DNAH17: variants seen among roughly 807,000 people sequenced by gnomAD.
DNAH17 encodes axonemal beta dynein heavy chain 17.
DNAH17 carries 376 observed loss-of-function variants against 485.6 expected under a neutral mutation model. The ratio of observed to expected loss-of-function variants is 0.77; its 90% confidence interval spans 0.71 to 0.84. The LOEUF is 0.84. Ranked by LOEUF, DNAH17 falls within the 40% of genes least tolerant of loss-of-function variation. The pLI is 0.00. For synonymous variants in DNAH17, 3,031 were observed against 2,405.9 expected (o/e 1.26, Z -7.60); for missense variants, 6,370 against 5,839.3 (o/e 1.09, Z -2.96).
chr17:78,532,702 A>C lies in DNAH17; in HGVS notation c.2894T>G (p.Met965Arg). The C allele has an allele frequency of 6.3e-7, 1 of 1,593,776 alleles. No individual in the cohort carries two copies. Among genetic ancestry groups the C allele is most frequent in the Non-Finnish European group, 8.6e-7 (1 of 1,169,124 alleles). ...DLEDNTDLIE[M>R]REEVSSLVIN... ...GACCAGGCTGGACACCTCCTCCCTC[A>C]TCTCTATGAGGTCTGTGTTATCTTC... Residue 965 changes from methionine (M) to arginine (R), a missense_variant, in exon 20 of 81, where the codon ATG becomes AGG. By Grantham distance (91) the Met-to-Arg change is moderately conservative. Coordinates refer to ENST00000389840, the MANE Select transcript of DNAH17 (RefSeq NM_173628.4).
At position 78,507,589 on chromosome 17, in the gene DNAH17, C is replaced by T. The variant is rs541349692; in HGVS notation, c.4453G>A (p.Val1485Ile). Residue 1485 changes from valine to isoleucine, a missense_variant, in exon 28 of 81, where the codon GTC becomes ATC. Transcript: ENST00000389840. ...TGGACCTCAAACCAGATGGAGATGA[C>T]GGAGTCCGCCGTGGACAGCTTCTGC... Reference protein sequence around the residue: ...WQQKLSTADSVISIWFEVQRT... With the variant: ...WQQKLSTADSIISIWFEVQRT... 520 of 1,614,122 alleles carry T rather than the reference C, an allele frequency of 3.2e-4. 3 individuals carry two copies. The highest frequency in any genetic ancestry group is 3.3e-4 in the Middle Eastern group (2 of 6,060).
At chr17:78,485,262 C>T (rs1044595041) in intron 47 of DNAH17, 6 of 641,768 alleles carry the variant, frequency 9.3e-6, no homozygotes, top group African/African-American at 7.3e-5. Flanking sequence ...TGCTCTCCGT[C>T]ACCTTTGGGT....
chr17:78,497,311 A>C (rs1338772935), intron 37 of DNAH17, among the ~76,000 whole-genome samples: 2 of 152,120 alleles, frequency 1.3e-5, no homozygotes, highest in Non-Finnish European at 2.9e-5. Context: ...AGCTGCTCCC[A>C]GCACCTGCCT....
chr17:78,492,097 G>A (rs755021638), intron 42 of DNAH17, among the ~76,000 whole-genome samples: 1 of 152,068 alleles, frequency 6.6e-6, no homozygotes, highest in African/African-American at 2.4e-5. Flanking sequence ...GGGTGCGGGG[G>A]ACAGGCTAGG....
chr17:78,575,149 G>T, intron 1 of DNAH17, 67 bp from the exon 2 acceptor site: 1 of 1,025,212 alleles, frequency 9.8e-7, no homozygotes, highest in Non-Finnish European at 1.4e-6. Context: ...CCCATCCCTG[G>T]CACCGCAGGA....
In DNAH17 at chr17:78,430,235, G is replaced by A. The variant is rs373840235; in HGVS notation, c.12226-935C>T. ...TCAGCAGAAGGACGGTGGGAGCCACGGATTGAGGCCACATGTGTCATTTTA... is the reference window on the plus strand; with the variant it reads ...TCAGCAGAAGGACGGTGGGAGCCACAGATTGAGGCCACATGTGTCATTTTA... On this transcript the variant is annotated intron_variant, in intron 75 of 80. Transcript: ENST00000389840. Among the ~76,000 whole-genome samples the A allele has an allele frequency of 3.3e-5, 5 of 152,132 alleles. No homozygotes were observed. In the East Asian group the frequency reaches 5.8e-4, roughly 18 times the overall value.
Position 78,539,786 on chromosome 17 carries a change from T to C in DNAH17, c.2627A>G (p.Gln876Arg), listed in dbSNP as rs749259499. The change falls in exon 18 of 81, where the codon CAG becomes CGG. Residue 876 changes from glutamine (Q) to arginine (R), a missense_variant. Gln to Arg is a conservative substitution (Grantham distance 43, BLOSUM62 1). Transcript: ENST00000389840. ...IDDMVLDEFD[Q>R]FIRKSLSFLM... ...GAAACTCAGAGATTTGCGAATGAAC[T>C]GGTCAAATTCATCTAAGACCATGTC... The C allele has an allele frequency of 1.1e-5, 17 of 1,612,012 alleles. No homozygotes were observed. The South Asian group carries it at 1.2e-4, about 11-fold the overall frequency.
chr17:78,424,973 C>G lies in DNAH17; in HGVS notation c.13141+373G>C, dbSNP rs369259911. On this transcript the variant is annotated intron_variant, in intron 80 of 80. Coordinates refer to ENST00000389840, the MANE Select transcript of DNAH17 (RefSeq NM_173628.4). ...TGGGCCAGCCAGCATGACCTGGAGT[C>G]TCAGTGCAGCCACAAAACGCACTTC... 10 of 173,016 alleles carry G rather than the reference C, an allele frequency of 5.8e-5. 1 individual carries two copies. In the East Asian group the frequency reaches 6.7e-4, roughly 12 times the overall value. The allele number at this position is 173,016 out of a possible 1,614,324, so 10.7% of individuals were successfully genotyped here. A position where few individuals can be genotyped will look rare whatever the true frequency, so the allele number is the denominator to read the frequency against.
chr17:78,540,385 G>C (rs2091492424), intron 17 of DNAH17, among the ~76,000 whole-genome samples: 1 of 133,518 alleles, frequency 7.5e-6, no homozygotes. Flanking sequence ...TGGACGGATA[G>C]CTGGATGGAT....
chr17:78,540,928 TGGGTGGGTGGGTGGGTG>T (rs1202157615), intron 17 of DNAH17, among the ~76,000 whole-genome samples: 2 of 8 alleles, frequency 0.25, no homozygotes, highest in Non-Finnish European at 0.33. Flanking sequence ...GATGGGTGGG[TGGGTGGGTGGGTGGGTG>T]GATCGGTGGA....
At position 78,558,184 on chromosome 17, in the gene DNAH17, TC is replaced by T; in HGVS notation, c.2101del (p.Glu701ArgfsTer27). 1 of 1,613,824 alleles carries T rather than the reference TC, an allele frequency of 6.2e-7. No individual in the cohort carries two copies. On this transcript the variant is annotated frameshift_variant, in exon 14 of 81. Transcript: ENST00000389840. LOFTEE classifies it high-confidence loss of function. Reference protein sequence around the residue: ...QQQKEIPDSAESLFSENETFR... With the variant: ...QQQKEIPDSAXSLFSENETFR... ...AGTTTCGTTCTCTGAGAACAGACTC[TC>T]CGCACTGTCTGGAATCTCTTTCTGT...
intron 71 of DNAH17, among the ~76,000 whole-genome samples, chr17:78,441,682 G>A (rs1204251322): frequency 1.3e-5 from 2 of 152,186 alleles, no homozygotes; most frequent in African/African-American, 4.8e-5. Flanking sequence ...TCCTCCCATG[G>A]AGGACCGAGT....
At chr17:78,500,148 G>A in intron 36 of DNAH17, 157 bp downstream of exon 36, 1 of 785,090 alleles carries the variant, frequency 1.3e-6, no homozygotes, top group Non-Finnish European at 1.9e-6. Context: ...TGAGGGGGAT[G>A]CTACCAGCAA....
chr17:78,486,252 G>A lies in DNAH17; in HGVS notation c.7073C>T (p.Ala2358Val). 6.3e-7 allele frequency: 1 copy of A among 1,596,788 alleles called. No individual in the cohort carries two copies. Reference sequence around the variant, plus strand: ...GTCCTGGAACATGGCGCCACCGAAGGCCCAGAAGCAGGTGAACACGAAGTA... The same window carrying A: ...GTCCTGGAACATGGCGCCACCGAAGACCCAGAAGCAGGTGAACACGAAGTA... ...ELYFVFTCFW[A>V]FGGAMFQDQL... Residue 2358 changes from alanine (A) to valine (V), a missense_variant, in exon 45 of 81, where the codon GCC becomes GTC. Physicochemically the swap from Ala to Val is moderately conservative, Grantham distance 64. Transcript: ENST00000389840.
In DNAH17 at chr17:78,455,330, A is replaced by AT. The variant is rs5822259; in HGVS notation, c.10170+313dup. ...TTTCCCGAGTGATGAGTAGGACTCC[A>AT]TTTTTTTTTTTTTAAGATGGGGTCT... On this transcript the variant is annotated intron_variant, in intron 63 of 80. Transcript: ENST00000389840. Among the ~76,000 whole-genome samples the AT allele has an allele frequency of 1.6e-3, 229 of 145,608 alleles. 1 individual carries two copies. The highest frequency in any genetic ancestry group is 4.2e-3 in the Admixed American group (61 of 14,684).
intron 79 of DNAH17, 82 bp from the exon 80 acceptor site, chr17:78,425,653 GT>G (rs1344308962): frequency 4.6e-6 from 6 of 1,313,592 alleles, no homozygotes; most frequent in Non-Finnish European, 6.2e-6. Context: ...CTGAGCAGGG[GT>G]CACGCCAGAA....
Position 78,445,507 on chromosome 17 carries a change from G to A in DNAH17, c.11334+51C>T, listed in dbSNP as rs2087246244. On this transcript the variant is annotated intron_variant, in intron 70 of 80. Coordinates refer to ENST00000389840, the MANE Select transcript of DNAH17 (RefSeq NM_173628.4). ...AAACATCCGCAGCATCAGCTGGAGGGGGCTCCACGGCGGGGAGAAAGCACA... is the reference window on the plus strand; with the variant it reads ...AAACATCCGCAGCATCAGCTGGAGGAGGCTCCACGGCGGGGAGAAAGCACA... The A allele has an allele frequency of 1.0e-5, 16 of 1,544,796 alleles. No homozygotes were observed. In the South Asian group the frequency reaches 1.3e-4, roughly 13 times the overall value.
rs769531025 is a variant in DNAH17 at position 78,514,918 on chromosome 17, C to CA, written c.3968dup (p.Leu1323PhefsTer53). On this transcript the variant is annotated frameshift_variant, in exon 26 of 81. Coordinates refer to ENST00000389840, the MANE Select transcript of DNAH17 (RefSeq NM_173628.4). LOFTEE classifies it high-confidence loss of function. The stretch of plus-strand genomic sequence containing the variant: ...CATCCCAGGTTTTCATCTCCTTGTC[C>CA]AAAGACCTCATGTCCTTGGCAAACT... The CA allele has an allele frequency of 9.9e-6, 16 of 1,613,926 alleles. No homozygotes were observed. Among genetic ancestry groups the CA allele is most frequent in the Non-Finnish European group, 1.3e-5 (15 of 1,179,902 alleles).
At chr17:78,570,883 A>T in intron 6 of DNAH17, 65 bp downstream of exon 6, 5 of 702,146 alleles carry the variant, frequency 7.1e-6, no homozygotes, top group Non-Finnish European at 1.0e-5. Context: ...AAAAAAGAAA[A>T]AAGAAAAGAA....
Sources: allele counts gnomAD v4.1 joint callset (sites outside exome capture counted in the v4.1 genomes callset), GRCh38; gene constraint gnomAD v4.1.1; transcripts MANE v1.5; gene names NCBI Gene and HGNC (gene_info 2026-07-23, HGNC 2026-07-21).